Variants in AR observed in about 807,000 individuals in gnomAD.
AR encodes the protein dihydrotestosterone receptor.
AR carries 8 observed loss-of-function variants against 53.9 expected under a neutral mutation model. That is an observed-to-expected ratio of 0.15 (90% CI 0.09 to 0.27). The LOEUF (loss-of-function observed/expected upper bound fraction) is 0.27. Ranked by LOEUF, AR falls within the 10% of genes least tolerant of loss-of-function variation. The pLI, the probability that AR is intolerant of heterozygous loss-of-function variation, is 1.00. For missense variants in AR, 639 were observed against 742.5 expected (o/e 0.86, Z 1.62); for synonymous variants, 359 against 316.4 (o/e 1.13, Z -1.43).
intron 1 of AR, among the ~76,000 whole-genome samples, chrX:67,591,775 G>T (rs1036250634): frequency 8.9e-6 from 1 of 111,906 alleles, no homozygotes; most frequent in Non-Finnish European, 1.9e-5. Flanking sequence ...TTGCAGCACT[G>T]TCATTCTCCA....
intron 1 of AR, among the ~76,000 whole-genome samples, chrX:67,592,075 G>A (rs768635353): frequency 8.0e-5 from 9 of 112,546 alleles, no homozygotes; most frequent in Admixed American, 6.6e-4. Context: ...GTGATGCTTT[G>A]TTGATGCAGA....
At chrX:67,686,234 C>G in intron 3 of AR, 108 bp downstream of exon 3, 7 of 873,010 alleles carry the variant, frequency 8.0e-6, no homozygotes, top group Non-Finnish European at 1.1e-5. Context: ...CCAAGGGGAC[C>G]AGCCATGCTC....
chrX:67,712,920 A>G (rs751569982), intron 4 of AR, among the ~76,000 whole-genome samples: 127 of 112,331 alleles, frequency 1.1e-3, no homozygotes, highest in Non-Finnish European at 1.7e-3. Context: ...TAGGAATCCT[A>G]TAACATGAGA....
chrX:67,719,453 T>G (rs2076126896), intron 5 of AR, among the ~76,000 whole-genome samples: 1 of 111,356 alleles, frequency 9.0e-6, no homozygotes, highest in African/African-American at 3.3e-5. Context: ...GCATGTGGCA[T>G]CCCACCTCGG....
At chrX:67,715,776 A>AATT (rs2076110669) in intron 4 of AR, among the ~76,000 whole-genome samples, 4 of 112,325 alleles carry the variant, frequency 3.6e-5, no homozygotes. Flanking sequence ...GTGAGAGTTA[A>AATT]ATTAGGTCAT....
At chrX:67,551,001 G>GTTTTTTTTTT (rs1213943835) in intron 1 of AR, among the ~76,000 whole-genome samples, 3 of 76,632 alleles carry the variant, frequency 3.9e-5, no homozygotes, top group African/African-American at 1.8e-4. Flanking sequence ...GAATAGCTGG[G>GTTTTTTTTTT]TTTTTTTTTT....
At chrX:67,679,157 ATTAT>A (rs1464427907) in intron 2 of AR, among the ~76,000 whole-genome samples, 1 of 111,488 alleles carries the variant, frequency 9.0e-6, no homozygotes, top group African/African-American at 3.3e-5. Flanking sequence ...ATATACAATT[ATTAT>A]TTGTCAATTT....
intron 2 of AR, among the ~76,000 whole-genome samples, chrX:67,651,620 A>G (rs773472153): frequency 3.6e-5 from 4 of 112,100 alleles, no homozygotes; most frequent in Non-Finnish European, 7.5e-5. Context: ...AAAGGCAGCA[A>G]TGAAGAGCAA....
intron 7 of AR, 26 bp downstream of exon 7, chrX:67,723,010 A>G: frequency 2.5e-6 from 3 of 1,208,241 alleles, no homozygotes; most frequent in Non-Finnish European, 2.2e-6. Context: ...AGGGTGCTTT[A>G]TCAGGGAGAA....
In AR at chrX:67,725,304, A is replaced by G. The variant is rs1386354798; in HGVS notation, c.*1463A>G. The stretch of plus-strand genomic sequence containing the variant: ...ACTCTCAGATCGCTGGAGCCCTTAG[A>G]CAAACTGGAAAGAAGGCATCAAAGG... On this transcript the variant is annotated 3_prime_UTR_variant, in exon 8 of 8. Coordinates refer to ENST00000374690, the MANE Select transcript of AR (RefSeq NM_000044.6). 1.2e-5 allele frequency: 2 copies of G among 173,388 alleles called. No homozygotes were observed. Among genetic ancestry groups the G allele is most frequent in the Non-Finnish European group, 1.1e-5 (1 of 91,147 alleles). 14.3% of individuals were successfully genotyped at this position (173,388 alleles called of 1,213,427 possible).
intron 3 of AR, among the ~76,000 whole-genome samples, chrX:67,704,017 T>G (rs1376896735): frequency 2.7e-5 from 3 of 112,303 alleles, no homozygotes; most frequent in Non-Finnish European, 5.6e-5. Flanking sequence ...GGTGTATATA[T>G]GCCACATTTT....
chrX:67,577,095 T>C (rs183246705), intron 1 of AR, among the ~76,000 whole-genome samples: 1 of 106,390 alleles, frequency 9.4e-6, no homozygotes, highest in East Asian at 3.0e-4. Flanking sequence ...GGAAACCCTC[T>C]GCCCATTAGC....
At chrX:67,707,198 A>C (rs767608874) in intron 3 of AR, among the ~76,000 whole-genome samples, 1 of 110,894 alleles carries the variant, frequency 9.0e-6, no homozygotes, top group South Asian at 3.8e-4. Flanking sequence ...ATTCCTGGAT[A>C]TCCTTTGTGT....
At chrX:67,674,704 CCT>C (rs1281387620) in intron 2 of AR, among the ~76,000 whole-genome samples, 1 of 110,995 alleles carries the variant, frequency 9.0e-6, no homozygotes, top group African/African-American at 3.3e-5. Context: ...GAAGTGGGCT[CCT>C]CTCTGGCCCA....
At chrX:67,660,667 T>C (rs1602233310) in intron 2 of AR, among the ~76,000 whole-genome samples, 1 of 111,935 alleles carries the variant, frequency 8.9e-6, no homozygotes, top group African/African-American at 3.2e-5. Context: ...AGCTCTGTTC[T>C]TTTGGCTTAG....
intron 1 of AR, among the ~76,000 whole-genome samples, chrX:67,562,301 C>T (rs1280257286): frequency 9.2e-6 from 1 of 108,215 alleles, no homozygotes. Flanking sequence ...TTTCACCCTT[C>T]ATCAGAAGTT....
chrX:67,552,375 A>T (rs1206563185), intron 1 of AR, among the ~76,000 whole-genome samples: 1 of 112,299 alleles, frequency 8.9e-6, no homozygotes, highest in Non-Finnish European at 1.9e-5. Context: ...ATAGCCTAAT[A>T]ATGTTCCACT....
intron 1 of AR, among the ~76,000 whole-genome samples, chrX:67,598,654 T>C (rs1923195258): frequency 9.0e-6 from 1 of 111,502 alleles, no homozygotes; most frequent in Admixed American, 9.5e-5. Context: ...ATACCCATAA[T>C]AAGGGTACCT....
At chrX:67,628,852 A>T (rs992335945) in intron 1 of AR, among the ~76,000 whole-genome samples, 1 of 111,499 alleles carries the variant, frequency 9.0e-6, no homozygotes, top group Non-Finnish European at 1.9e-5. Flanking sequence ...ATGAAGCGTT[A>T]TTGAATTTTG....
Sources: allele counts gnomAD v4.1 joint callset (sites outside exome capture counted in the v4.1 genomes callset), GRCh38; gene constraint gnomAD v4.1.1; transcripts MANE v1.5; gene names NCBI Gene and HGNC (gene_info 2026-07-23, HGNC 2026-07-21).